PHKB: variants seen among roughly 807,000 people sequenced by gnomAD.
PHKB encodes the protein phosphorylase b kinase regulatory subunit beta.
In PHKB, 122 loss-of-function variants were observed where a neutral mutation model predicts 152.1. The observed-to-expected ratio is 0.80, with a 90% CI of 0.69 to 0.93. PHKB has a LOEUF of 0.93. Among genes scored for constraint, PHKB ranks in the 40% least tolerant of loss-of-function variants. The pLI is 0.00. For missense variants in PHKB, 1,304 were observed against 1,328.4 expected, an observed-to-expected ratio of 0.98 and a Z score of 0.29; for synonymous variants, 436 against 464.9, an observed-to-expected ratio of 0.94 and a Z score of 0.80.
At chr16:47,656,185 T>C (rs1184311324) in intron 20 of PHKB, among the ~76,000 whole-genome samples, 2 of 151,974 alleles carry the variant, frequency 1.3e-5, no homozygotes, top group East Asian at 3.9e-4. Context: ...GCCAGGGTAA[T>C]TTTTTGTATT....
intron 12 of PHKB, 112 bp downstream of exon 12, chr16:47,594,326 A>G: frequency 2.9e-6 from 2 of 681,250 alleles, no homozygotes; most frequent in Non-Finnish European, 5.3e-6. Context: ...ATTGAAAAAA[A>G]TGAATGATCC....
At chr16:47,688,660 GT>G (rs900547163) in intron 26 of PHKB, among the ~76,000 whole-genome samples, 3 of 142,336 alleles carry the variant, frequency 2.1e-5, no homozygotes, top group African/African-American at 7.8e-5. Context: ...GAAATGCATT[GT>G]TTCTCTGTAG....
chr16:47,547,693 A>G, intron 7 of PHKB, 145 bp downstream of exon 7: 1 of 623,446 alleles, frequency 1.6e-6, no homozygotes, highest in Non-Finnish European at 2.8e-6. Context: ...GATGGAAGTC[A>G]CTTAAAATTA....
At chr16:47,665,274 G>T (rs555452152) in intron 25 of PHKB, 1 of 331,962 alleles carries the variant, frequency 3.0e-6, no homozygotes, top group South Asian at 3.1e-5. Flanking sequence ...AAAGTTCCAC[G>T]AGAATTTTTA....
chr16:47,694,117 T>A (rs980793464), intron 28 of PHKB, among the ~76,000 whole-genome samples: 2 of 152,184 alleles, frequency 1.3e-5, no homozygotes, highest in African/African-American at 4.8e-5. Context: ...ACTTTTTAGG[T>A]CATTGGACAG....
intron 26 of PHKB, 74 bp from the exon 27 acceptor site, chr16:47,688,967 G>A: frequency 1.3e-6 from 2 of 1,506,754 alleles, no homozygotes; most frequent in African/African-American, 1.4e-5. Context: ...TGCTATTAAG[G>A]GCATTGCTGA....
chr16:47,545,441 A>G (rs1348629847), intron 6 of PHKB, among the ~76,000 whole-genome samples: 2 of 152,174 alleles, frequency 1.3e-5, no homozygotes, highest in East Asian at 3.9e-4. Context: ...TCTGGCTTGT[A>G]TGGTTTCTGC....
At chr16:47,672,899 G>A (rs1257996868) in intron 26 of PHKB, among the ~76,000 whole-genome samples, 1 of 152,044 alleles carries the variant, frequency 6.6e-6, no homozygotes, top group Non-Finnish European at 1.5e-5. Context: ...AAAATGTCAG[G>A]TGGCAACATG....
chr16:47,654,417 G>A (rs772258922), intron 20 of PHKB, among the ~76,000 whole-genome samples: 3 of 152,200 alleles, frequency 2.0e-5, no homozygotes, highest in Middle Eastern at 3.4e-3. Flanking sequence ...ATCTAGAACT[G>A]GAAATACCAT....
intron 1 of PHKB, among the ~76,000 whole-genome samples, chr16:47,486,767 C>A (rs1016795812): frequency 3.9e-5 from 6 of 152,148 alleles, no homozygotes; most frequent in African/African-American, 1.4e-4. Context: ...TCTTGATTAT[C>A]TTTTTGGGGA....
chr16:47,516,463 C>A (rs1347403583), intron 6 of PHKB, among the ~76,000 whole-genome samples: 4 of 152,162 alleles, frequency 2.6e-5, no homozygotes, highest in Non-Finnish European at 5.9e-5. Flanking sequence ...CAAGCACATG[C>A]GCTGATGTAC....
chr16:47,463,919 A>G, intron 1 of PHKB: 1 of 1,614,000 alleles, frequency 6.2e-7, no homozygotes, highest in South Asian at 1.1e-5. Flanking sequence ...GACGCTTATG[A>G]TTAGAGCCAA....
intron 2 of PHKB, among the ~76,000 whole-genome samples, chr16:47,498,349 A>G (rs1388339397): frequency 6.6e-6 from 1 of 152,190 alleles, no homozygotes; most frequent in East Asian, 1.9e-4. Flanking sequence ...AAAATAATAA[A>G]TACCCTGGTT....
intron 20 of PHKB, among the ~76,000 whole-genome samples, chr16:47,652,990 C>CTT (rs35096208): frequency 2.1e-5 from 3 of 142,140 alleles, no homozygotes; most frequent in South Asian, 4.6e-4. Flanking sequence ...TGATATTGAG[C>CTT]TTTTTTTTTT....
At chr16:47,586,464 G>C (rs1371543760) in intron 8 of PHKB, among the ~76,000 whole-genome samples, 2 of 152,116 alleles carry the variant, frequency 1.3e-5, no homozygotes, top group Non-Finnish European at 2.9e-5. Flanking sequence ...ATTTTAAAAA[G>C]ATTTTAAAAT....
intron 4 of PHKB, among the ~76,000 whole-genome samples, 183 bp downstream of exon 4, chr16:47,503,273 A>G (rs537507548): frequency 1.5e-4 from 23 of 152,348 alleles, no homozygotes; most frequent in African/African-American, 5.0e-4. Context: ...CTGAGATTGA[A>G]GGAACACCTT....
intron 14 of PHKB, among the ~76,000 whole-genome samples, chr16:47,616,691 T>C (rs1044813490): frequency 2.9e-4 from 43 of 149,000 alleles, no homozygotes; most frequent in Non-Finnish European, 5.5e-4. Context: ...ATAAATATTA[T>C]ATATTGCCCA....
Position 47,486,462 on chromosome 16 carries a change from A to C in PHKB, c.77-10937A>C, listed in dbSNP as rs147689967. Among the ~76,000 whole-genome samples the C allele has an allele frequency of 8.7e-4, 132 of 152,350 alleles. 1 individual carries two copies. Among genetic ancestry groups the C allele is most frequent in the African/African-American group, 2.8e-3 (118 of 41,588 alleles). The stretch of plus-strand genomic sequence containing the variant: ...TGAAAATATATTGTATCTTGTATAG[A>C]TGAGTCATAGGACAAACATATAGAC... On this transcript the variant is annotated intron_variant, in intron 1 of 30. Coordinates refer to ENST00000323584, the MANE Select transcript of PHKB (RefSeq NM_000293.3).
chr16:47,602,892 G>A (rs770332546), intron 13 of PHKB, among the ~76,000 whole-genome samples: 2 of 152,046 alleles, frequency 1.3e-5, no homozygotes, highest in African/African-American at 2.4e-5. Context: ...TGGATATCCA[G>A]TAGCTCACTA....
Sources: allele counts gnomAD v4.1 joint callset (sites outside exome capture counted in the v4.1 genomes callset), GRCh38; gene constraint gnomAD v4.1.1; transcripts MANE v1.5; gene names NCBI Gene and HGNC (gene_info 2026-07-23, HGNC 2026-07-21).